Variants in ENTREP3 observed in about 807,000 individuals in gnomAD.
ENTREP3 encodes endosomal transmembrane epsin interactor 3.
At chr1:155,250,499 C>T in the ENTREP3 span, 1 of 1,495,348 alleles carries the variant, frequency 6.7e-7, no homozygotes, top group South Asian at 1.3e-5. The surrounding 1 kb of genome is among the most constrained non-coding windows in gnomAD (Gnocchi z 5.4). Context: ...CCACCCAGGG[C>T]GGCCAGCCCT....
At chr1:155,251,843 TG>T in the ENTREP3 span, 2 of 1,536,042 alleles carry the variant, frequency 1.3e-6, no homozygotes, top group Non-Finnish European at 1.7e-6. Flanking sequence ...GGAGAGGGGC[TG>T]GGGGCGGGGA....
chr1:155,250,278 G>A, the ENTREP3 span: 4 of 1,546,972 alleles, frequency 2.6e-6, no homozygotes, highest in Non-Finnish European at 2.6e-6. The surrounding 1 kb of genome is among the most constrained non-coding windows in gnomAD (Gnocchi z 5.4). Context: ...GGGCTCACCA[G>A]TGTCACTGGA....
At chr1:155,253,712 A>G in the ENTREP3 span, 3 of 1,609,260 alleles carry the variant, frequency 1.9e-6, no homozygotes, top group African/African-American at 1.3e-5. Flanking sequence ...TGGTGAGCCC[A>G]CAGACGCTGA....
At chr1:155,247,441 C>A in the ENTREP3 span, 1 of 577,906 alleles carries the variant, frequency 1.7e-6, no homozygotes. Context: ...ACTTAAACAC[C>A]TGGGCCATGC....
At chr1:155,248,921 G>C in the ENTREP3 span, among the ~76,000 whole-genome samples, 2 of 151,922 alleles carry the variant, frequency 1.3e-5, no homozygotes, top group South Asian at 4.2e-4. Context: ...TCACCATGTT[G>C]GCTAGGCTGG....
chr1:155,250,851 C>G, the ENTREP3 span: 2 of 1,566,502 alleles, frequency 1.3e-6, no homozygotes, highest in Non-Finnish European at 1.7e-6. The surrounding 1 kb of genome is among the most constrained non-coding windows in gnomAD (Gnocchi z 5.4). Flanking sequence ...CTGTGTAGCA[C>G]CAGCCTGGCC....
chr1:155,250,091 G>T, the ENTREP3 span, among the ~76,000 whole-genome samples: 1 of 151,972 alleles, frequency 6.6e-6, no homozygotes, highest in Non-Finnish European at 1.5e-5. This position sits in a 1 kb window ranked among gnomAD's most constrained non-coding sequence, Gnocchi z 5.4. Context: ...TTTTTTAGCT[G>T]CTAAGCTATG....
chr1:155,254,905 C>T, the ENTREP3 span: 4 of 1,527,578 alleles, frequency 2.6e-6, no homozygotes, highest in South Asian at 4.8e-5. This position sits in a 1 kb window ranked among gnomAD's most constrained non-coding sequence, Gnocchi z 4.4. Context: ...CTGCGCCTCG[C>T]TCGGCCCTCC....
At chr1:155,255,177 G>T in the ENTREP3 span, 14 of 520,736 alleles carry the variant, frequency 2.7e-5, no homozygotes, top group South Asian at 1.6e-4. This position sits in a 1 kb window ranked among gnomAD's most constrained non-coding sequence, Gnocchi z 5.6. Flanking sequence ...GGGAAGAGGG[G>T]CACCGAGAAG....
At chr1:155,248,081 G>A in the ENTREP3 span, 2 of 1,614,216 alleles carry the variant, frequency 1.2e-6, no homozygotes, top group Non-Finnish European at 1.7e-6. Flanking sequence ...AGTCCCACTG[G>A]GGTCTGGGGC....
chr1:155,253,256 G>A, the ENTREP3 span: 5 of 192,076 alleles, frequency 2.6e-5, no homozygotes, highest in Non-Finnish European at 4.2e-5. Context: ...TGTTGGCCAG[G>A]TGGGTCTTGA....
At chr1:155,255,186 A>C in the ENTREP3 span, 1 of 460,766 alleles carries the variant, frequency 2.2e-6, no homozygotes, top group Non-Finnish European at 4.0e-6. The surrounding 1 kb of genome is among the most constrained non-coding windows in gnomAD (Gnocchi z 5.6). Context: ...GGCACCGAGA[A>C]GGGCCGGTCC....
chr1:155,253,495 A>C, the ENTREP3 span: 2 of 632,610 alleles, frequency 3.2e-6, no homozygotes, highest in Non-Finnish European at 5.7e-6. Flanking sequence ...ATAGATGAGG[A>C]TAATAGATAA....
chr1:155,247,961 C>G, the ENTREP3 span: 4 of 1,605,658 alleles, frequency 2.5e-6, no homozygotes, highest in African/African-American at 5.4e-5. Flanking sequence ...GGCACCTGGA[C>G]AGGGACACAA....
At chr1:155,251,512 C>A in the ENTREP3 span, 1 of 1,613,452 alleles carries the variant, frequency 6.2e-7, no homozygotes, top group East Asian at 2.2e-5. Context: ...CTGGCTGTCT[C>A]CTCGTAGTCC....
chr1:155,253,631 C>G, the ENTREP3 span: 1 of 1,612,296 alleles, frequency 6.2e-7, no homozygotes, highest in Non-Finnish European at 8.5e-7. Flanking sequence ...TCACCGTATG[C>G]ACGAGGTCCA....
the ENTREP3 span, chr1:155,250,378 G>A: frequency 2.2e-5 from 34 of 1,541,708 alleles, no homozygotes; most frequent in Admixed American, 2.0e-5. This position sits in a 1 kb window ranked among gnomAD's most constrained non-coding sequence, Gnocchi z 5.4. Flanking sequence ...GGTGGGGTGA[G>A]GGAACCTGAG....
At chr1:155,251,268 G>T in the ENTREP3 span, 1 of 969,868 alleles carries the variant, frequency 1.0e-6, no homozygotes, top group Non-Finnish European at 1.5e-6. Flanking sequence ...TTGTCCCTTT[G>T]TACAAGTCAC....
At chr1:155,247,707 A>C in the ENTREP3 span, 1 of 1,357,946 alleles carries the variant, frequency 7.4e-7, no homozygotes, top group South Asian at 1.5e-5. Context: ...CCAGTGCAAG[A>C]GGATGCTGGG....
Sources: allele counts gnomAD v4.1 joint callset (sites outside exome capture counted in the v4.1 genomes callset), GRCh38; gene constraint gnomAD v4.1.1; non-coding constraint Gnocchi (gnomAD v3.1); transcripts MANE v1.5; gene names NCBI Gene and HGNC (gene_info 2026-07-23, HGNC 2026-07-21).